The following EPHB1 variants were observed in gnomAD, a reference collection of about 807,000 sequenced individuals.
The protein encoded by EPHB1 is ephrin type-B receptor 1.
EPHB1 carries 30 observed loss-of-function variants against 94.4 expected under a neutral mutation model. That is an observed-to-expected ratio of 0.32 (90% CI 0.24 to 0.43). The LOEUF is 0.43. Ranked by LOEUF, EPHB1 falls within the 20% of genes least tolerant of loss-of-function variation. The pLI is 1.00. For missense variants in EPHB1, 1,055 were observed against 1,308.3 expected (o/e 0.81, Z 2.99); for synonymous variants, 522 against 489.1 (o/e 1.07, Z -0.89).
chr3:134,841,899 T>A (rs1210619427), intron 1 of EPHB1, among the ~76,000 whole-genome samples: 1 of 152,240 alleles, frequency 6.6e-6, no homozygotes, highest in Non-Finnish European at 1.5e-5. Context: ...TGTTTTTTCC[T>A]GGCTGAACTC....
intron 3 of EPHB1, among the ~76,000 whole-genome samples, chr3:135,081,760 A>T (rs947537907): frequency 5.3e-5 from 8 of 152,146 alleles, no homozygotes; most frequent in African/African-American, 1.9e-4. Context: ...CTGATTTGCC[A>T]GCGGACAATC....
At chr3:134,913,936 C>T (rs926907196) in intron 1 of EPHB1, among the ~76,000 whole-genome samples, 2 of 152,326 alleles carry the variant, frequency 1.3e-5, no homozygotes, top group African/African-American at 2.4e-5. Context: ...TGGGGCCACA[C>T]AGGATGGCCT....
intron 4 of EPHB1, among the ~76,000 whole-genome samples, chr3:135,122,109 G>T (rs1391359521): frequency 3.3e-5 from 5 of 152,164 alleles, no homozygotes; most frequent in Non-Finnish European, 5.9e-5. Flanking sequence ...TGTCTCCTTT[G>T]CAGACCTTCA....
intron 1 of EPHB1, among the ~76,000 whole-genome samples, chr3:134,921,598 A>G (rs1287634524): frequency 6.6e-6 from 1 of 152,214 alleles, no homozygotes; most frequent in African/African-American, 2.4e-5. Flanking sequence ...GGTCTTTACA[A>G]CAATGCAAAG....
chr3:135,114,536 C>CT (rs1939596086), intron 4 of EPHB1, among the ~76,000 whole-genome samples: 1 of 19,908 alleles, frequency 5.0e-5, no homozygotes, highest in Non-Finnish European at 8.2e-5. Flanking sequence ...CCTGTCTCTA[C>CT]TAAAAAAAAA....
chr3:135,031,052 G>A (rs1366325160), intron 3 of EPHB1, among the ~76,000 whole-genome samples: 4 of 152,142 alleles, frequency 2.6e-5, no homozygotes, highest in Admixed American at 6.5e-5. Flanking sequence ...TGCGCTTCCC[G>A]AGTCAGGCAA....
Position 134,965,338 on chromosome 3 carries a change from A to G in EPHB1, c.805+13286A>G, listed in dbSNP as rs187905712. ...GTGACTGCTTCCACCTTGCAGGATGACATGTTCCTTCCCCTGCTCTACCTA... is the reference window on the plus strand; with the variant it reads ...GTGACTGCTTCCACCTTGCAGGATGGCATGTTCCTTCCCCTGCTCTACCTA... On this transcript the variant is annotated intron_variant, in intron 3 of 15. Coordinates refer to ENST00000398015, the MANE Select transcript of EPHB1 (RefSeq NM_004441.5). Among the ~76,000 whole-genome samples, 9 of 152,298 alleles carry G rather than the reference A, an allele frequency of 5.9e-5. No homozygotes were observed. In the East Asian group the frequency reaches 1.4e-3, roughly 23 times the overall value.
At chr3:135,092,069 G>A (rs1422484215) in intron 3 of EPHB1, among the ~76,000 whole-genome samples, 1 of 152,156 alleles carries the variant, frequency 6.6e-6, no homozygotes, top group African/African-American at 2.4e-5. Context: ...AAAACACTTC[G>A]GTTTGAAAAC....
intron 1 of EPHB1, among the ~76,000 whole-genome samples, chr3:134,824,250 T>C (rs879836110): frequency 4.6e-5 from 7 of 150,604 alleles, no homozygotes; most frequent in Non-Finnish European, 1.0e-4. Flanking sequence ...AGGGTGGAGA[T>C]GACAATGAGG....
chr3:135,020,031 C>T lies in EPHB1; in HGVS notation c.805+67979C>T, dbSNP rs74983945. Among the ~76,000 whole-genome samples, 510 of 152,308 alleles carry T rather than the reference C, an allele frequency of 3.3e-3. 2 individuals carry two copies. The highest frequency in any genetic ancestry group is 5.7e-3 in the Non-Finnish European group (387 of 68,024). Reference sequence around the variant, plus strand: ...ATGCCCTTGTCCCAGCACCTTCATCCGCATTGAGCATTACTGCTTCTTAAA... The same window carrying T: ...ATGCCCTTGTCCCAGCACCTTCATCTGCATTGAGCATTACTGCTTCTTAAA... On this transcript the variant is annotated intron_variant, in intron 3 of 15. Transcript: ENST00000398015.
chr3:134,824,125 C>CTTTTTTTTTTT (rs373504139), intron 1 of EPHB1, among the ~76,000 whole-genome samples: 5 of 100,766 alleles, frequency 5.0e-5, no homozygotes, highest in Non-Finnish European at 8.2e-5. Context: ...GGATAATGCC[C>CTTTTTTTTTTT]TTTTTTTTTT....
intron 3 of EPHB1, among the ~76,000 whole-genome samples, chr3:134,979,587 C>T (rs1423428099): frequency 6.6e-6 from 1 of 152,204 alleles, no homozygotes; most frequent in Non-Finnish European, 1.5e-5. Context: ...AAGGGAGTTA[C>T]TACAGATGGC....
At chr3:135,235,535 A>G (rs1943630807) in intron 12 of EPHB1, among the ~76,000 whole-genome samples, 1 of 152,234 alleles carries the variant, frequency 6.6e-6, no homozygotes. Flanking sequence ...AGCATCACCA[A>G]AAACCTACCA....
chr3:134,924,400 G>T lies in EPHB1; in HGVS notation c.59-1416G>T, dbSNP rs187107398. 7.2e-5 allele frequency among the ~76,000 whole-genome samples: 11 copies of T among 152,134 alleles called. No individual in the cohort carries two copies. In the East Asian group the frequency reaches 2.1e-3, roughly 29 times the overall value. ...AAAGACCTCTCAAACTCAATAATAAGAAAATAATCCATTTAAAAAGGAGAA... is the reference window on the plus strand; with the variant it reads ...AAAGACCTCTCAAACTCAATAATAATAAAATAATCCATTTAAAAAGGAGAA... On this transcript the variant is annotated intron_variant, in intron 1 of 15. Coordinates refer to ENST00000398015, the MANE Select transcript of EPHB1 (RefSeq NM_004441.5).
chr3:134,904,545 G>T (rs994910023), intron 1 of EPHB1, among the ~76,000 whole-genome samples: 1 of 152,130 alleles, frequency 6.6e-6, no homozygotes. Flanking sequence ...ACAACCCACA[G>T]TTTTTGGGGC....
Position 134,857,745 on chromosome 3 carries a change from G to A in EPHB1, c.58+62056G>A, listed in dbSNP as rs1433634030. Among the ~76,000 whole-genome samples, 6 of 152,292 alleles carry A rather than the reference G, an allele frequency of 3.9e-5. No individual in the cohort carries two copies. The East Asian group carries it at 1.2e-3, about 29-fold the overall frequency. ...GCAGATGAAGGCACAGCCCACTGGAGCCTGGGCCACTAAATCTTTAAATTT... is the reference window on the plus strand; with the variant it reads ...GCAGATGAAGGCACAGCCCACTGGAACCTGGGCCACTAAATCTTTAAATTT... On this transcript the variant is annotated intron_variant, in intron 1 of 15. Coordinates refer to ENST00000398015, the MANE Select transcript of EPHB1 (RefSeq NM_004441.5).
intron 13 of EPHB1, among the ~76,000 whole-genome samples, chr3:135,245,182 G>A (rs890200782): frequency 2.6e-5 from 4 of 152,174 alleles, no homozygotes; most frequent in Admixed American, 1.3e-4. Context: ...TCTGTGTGAT[G>A]AGGATTCATC....
In EPHB1 at chr3:134,942,821, T is replaced by A. The variant is rs551841517; in HGVS notation, c.124-8550T>A. ...AGCTAAATGCATGGAATTATTTTTC[T>A]TGTTGAAATGAACTAATAAATTAGT... On this transcript the variant is annotated intron_variant, in intron 2 of 15. Transcript: ENST00000398015. Among the ~76,000 whole-genome samples the A allele has an allele frequency of 2.6e-5, 4 of 152,272 alleles. No homozygotes were observed. The East Asian group carries it at 7.7e-4, about 29-fold the overall frequency.
Position 134,814,017 on chromosome 3 carries a change from C to A in EPHB1, c.58+18328C>A, listed in dbSNP as rs371248448. On this transcript the variant is annotated intron_variant, in intron 1 of 15. Transcript: ENST00000398015. ...ACTCCCTGAGGGCCCCCAGAGTCTA[C>A]CCCGGGGCCTGGCACAGAGTAGGCA... Among the ~76,000 whole-genome samples, 8 of 152,308 alleles carry A rather than the reference C, an allele frequency of 5.3e-5. No homozygotes were observed. The East Asian group carries it at 1.5e-3, about 29-fold the overall frequency.
Sources: allele counts gnomAD v4.1 joint callset (sites outside exome capture counted in the v4.1 genomes callset), GRCh38; gene constraint gnomAD v4.1.1; transcripts MANE v1.5; gene names NCBI Gene and HGNC (gene_info 2026-07-23, HGNC 2026-07-21).